The following GPC5 variants were observed in gnomAD, a reference collection of about 807,000 sequenced individuals.
The protein encoded by GPC5 is glypican 5.
In GPC5, 47 loss-of-function variants were observed where a neutral mutation model predicts 53.9. The ratio of observed to expected loss-of-function variants is 0.87; its 90% CI spans 0.69 to 1.11. The LOEUF is 1.11. Among genes scored for constraint, GPC5 ranks in the 50% most tolerant of loss-of-function variants. The pLI, the probability that GPC5 is intolerant of heterozygous loss-of-function variation, is 0.00. For missense variants in GPC5, 748 were observed against 713.1 expected, an observed-to-expected ratio of 1.05 and a Z score of -0.56; for synonymous variants, 286 against 263.3, an observed-to-expected ratio of 1.09 and a Z score of -0.84.
rs536454824 is a variant in GPC5 at position 92,018,924 on chromosome 13, T to C, written c.1401+110867T>C. Reference sequence around the variant, plus strand: ...ACTTTGATGCTTAAACTTAAAATCATGAATATGGTAGAAGGCACACTAACG... The same window carrying C: ...ACTTTGATGCTTAAACTTAAAATCACGAATATGGTAGAAGGCACACTAACG... On this transcript the variant is annotated intron_variant, in intron 6 of 7. Transcript: ENST00000377067. Among the ~76,000 whole-genome samples, 268 of 152,182 alleles carry C rather than the reference T, an allele frequency of 1.8e-3. 2 individuals carry two copies. The highest frequency in any genetic ancestry group is 1.7e-3 in the Non-Finnish European group (117 of 67,932).
At chr13:91,988,445 G>A (rs149913238) in intron 6 of GPC5, among the ~76,000 whole-genome samples, 1 of 152,214 alleles carries the variant, frequency 6.6e-6, no homozygotes, top group East Asian at 1.9e-4. Context: ...TTTCAGAAAG[G>A]CCTTCAGACA....
At chr13:91,815,347 A>G (rs1434378799) in intron 5 of GPC5, among the ~76,000 whole-genome samples, 3 of 152,076 alleles carry the variant, frequency 2.0e-5, no homozygotes, top group Non-Finnish European at 1.5e-5. Flanking sequence ...CCAGCCTGGA[A>G]GACAAAGTAA....
chr13:92,828,275 G>A (rs576435928), intron 7 of GPC5, among the ~76,000 whole-genome samples: 1 of 152,232 alleles, frequency 6.6e-6, no homozygotes, highest in East Asian at 1.9e-4. Context: ...GCATGGTGGT[G>A]TGCCTTAAAC....
At position 91,585,516 on chromosome 13, in the gene GPC5, G is replaced by C. The variant is rs533458197; in HGVS notation, c.326-107671G>C. On this transcript the variant is annotated intron_variant, in intron 2 of 7. Coordinates refer to ENST00000377067, the MANE Select transcript of GPC5 (RefSeq NM_004466.6). ...CATGGGTGAATCTTACCATCATGAT[G>C]ATGAGCAAAAGGAATGAGGTATACT... Among the ~76,000 whole-genome samples, 358 of 152,290 alleles carry C rather than the reference G, an allele frequency of 2.4e-3. 2 individuals carry two copies. Among genetic ancestry groups the C allele is most frequent in the African/African-American group, 8.3e-3 (346 of 41,564 alleles).
chr13:91,462,921 A>C (rs901228106), intron 2 of GPC5, among the ~76,000 whole-genome samples: 1 of 152,152 alleles, frequency 6.6e-6, no homozygotes, highest in African/African-American at 2.4e-5. Context: ...AGTATATTTT[A>C]ATGAAATTAT....
At chr13:92,365,819 A>G (rs756197275) in intron 7 of GPC5, among the ~76,000 whole-genome samples, 2 of 151,426 alleles carry the variant, frequency 1.3e-5, no homozygotes, top group Non-Finnish European at 2.9e-5. Flanking sequence ...GCATGGATCT[A>G]TCATTACCTA....
intron 2 of GPC5, among the ~76,000 whole-genome samples, chr13:91,614,751 G>C (rs2033649778): frequency 6.6e-6 from 1 of 152,168 alleles, no homozygotes; most frequent in Non-Finnish European, 1.5e-5. Flanking sequence ...GGGACCAGTA[G>C]AAGAGGGCGA....
At chr13:92,437,216 A>G (rs934611821) in intron 7 of GPC5, among the ~76,000 whole-genome samples, 2 of 152,184 alleles carry the variant, frequency 1.3e-5, no homozygotes, top group Non-Finnish European at 2.9e-5. Flanking sequence ...AGACAAAAAC[A>G]TCAATAGAAT....
At chr13:92,311,460 A>G (rs1161435058) in intron 7 of GPC5, among the ~76,000 whole-genome samples, 4 of 152,178 alleles carry the variant, frequency 2.6e-5, no homozygotes, top group Non-Finnish European at 5.9e-5. Flanking sequence ...TTTGGTCTCA[A>G]TGCTACTTGT....
chr13:91,604,059 G>A (rs964337179), intron 2 of GPC5, among the ~76,000 whole-genome samples: 10 of 146,996 alleles, frequency 6.8e-5, no homozygotes, highest in South Asian at 2.2e-4. Context: ...CCACTAACTC[G>A]TCATCTAGCA....
intron 7 of GPC5, among the ~76,000 whole-genome samples, chr13:92,179,895 T>C (rs2042134378): frequency 6.6e-6 from 1 of 152,178 alleles, no homozygotes; most frequent in African/African-American, 2.4e-5. Flanking sequence ...AACTGAACTT[T>C]AGATGGGGAA....
chr13:92,349,014 A>C (rs1434953419), intron 7 of GPC5, among the ~76,000 whole-genome samples: 1 of 152,226 alleles, frequency 6.6e-6, no homozygotes, highest in African/African-American at 2.4e-5. Flanking sequence ...GCAGCCAGAG[A>C]AAAACTAAAC....
At chr13:92,159,823 C>T (rs1192550674) in intron 7 of GPC5, among the ~76,000 whole-genome samples, 1 of 151,716 alleles carries the variant, frequency 6.6e-6, no homozygotes, top group Admixed American at 6.6e-5. Flanking sequence ...AGGATAGTCT[C>T]GATCTCCTGA....
chr13:91,850,649 C>A (rs986270574), intron 5 of GPC5, among the ~76,000 whole-genome samples: 1 of 151,868 alleles, frequency 6.6e-6, no homozygotes, highest in African/African-American at 2.4e-5. Flanking sequence ...GAATTAGGTC[C>A]TCTTCCTTTT....
At chr13:92,053,303 T>C (rs1477067381) in intron 6 of GPC5, among the ~76,000 whole-genome samples, 1 of 152,060 alleles carries the variant, frequency 6.6e-6, no homozygotes, top group East Asian at 1.9e-4. Context: ...ATATCAGTTA[T>C]CTCCCACCGA....
rs74726402 is a variant in GPC5, at chr13:91,645,691, T to G, written c.326-47496T>G. On this transcript the variant is annotated intron_variant, in intron 2 of 7. Coordinates refer to ENST00000377067, the MANE Select transcript of GPC5 (RefSeq NM_004466.6). ...TTTTTACATGAAAACTGAAGTCTAG[T>G]CAGTCATCCACATTTATTTGTATGT... Among the ~76,000 whole-genome samples the G allele has an allele frequency of 9.9e-3, 1,511 of 152,336 alleles. 25 individuals carry two copies. Among genetic ancestry groups the G allele is most frequent in the African/African-American group, 0.034 (1,430 of 41,570 alleles).
intron 6 of GPC5, among the ~76,000 whole-genome samples, chr13:91,925,864 T>A (rs1010275233): frequency 6.6e-6 from 1 of 152,170 alleles, no homozygotes; most frequent in African/African-American, 2.4e-5. Flanking sequence ...ACATTCCGAT[T>A]TGAGATGGAA....
intron 2 of GPC5, among the ~76,000 whole-genome samples, chr13:91,505,745 G>A (rs377627196): frequency 1.0e-3 from 152 of 152,146 alleles, no homozygotes; most frequent in African/African-American, 3.4e-3. Context: ...TCATTTTGTG[G>A]CATTTTGGTA....
rs189126987 is a variant in GPC5 at position 92,195,948 on chromosome 13, T to C, written c.1561+50959T>C. On this transcript the variant is annotated intron_variant, in intron 7 of 7. Transcript: ENST00000377067. ...AGAGTGAATAGGGGTTTAAGGAGAG[T>C]GTAGCACTTTTAACAAGGAGGCGCA... Among the ~76,000 whole-genome samples, 46 of 152,030 alleles carry C rather than the reference T, an allele frequency of 3.0e-4. No individual in the cohort carries two copies. The East Asian group carries it at 8.7e-3, about 29-fold the overall frequency.
Sources: allele counts gnomAD v4.1 joint callset (sites outside exome capture counted in the v4.1 genomes callset), GRCh38; gene constraint gnomAD v4.1.1; transcripts MANE v1.5; gene names NCBI Gene and HGNC (gene_info 2026-07-23, HGNC 2026-07-21).